Variants in ZNF500 observed in about 807,000 individuals in gnomAD.
The protein encoded by ZNF500 is zinc finger protein 500.
ZNF500 carries 31 observed loss-of-function variants against 30.1 expected under a neutral mutation model. That is an observed-to-expected ratio of 1.03 (90% CI 0.77 to 1.39). ZNF500 has a LOEUF of 1.39. Ranked by LOEUF, ZNF500 falls within the 40% of genes most tolerant of loss-of-function variation. The pLI is 0.00. For synonymous variants in ZNF500, 392 were observed against 282.0 expected, an observed-to-expected ratio of 1.39 and a Z score of -3.91; for missense variants, 817 against 657.8, an observed-to-expected ratio of 1.24 and a Z score of -2.65.
intron 2 of ZNF500, among the ~76,000 whole-genome samples, chr16:4,765,285 G>A (rs2082251583): frequency 6.6e-6 from 1 of 151,726 alleles, no homozygotes; most frequent in Non-Finnish European, 1.5e-5. Flanking sequence ...AACAGAGCGA[G>A]ACTATGTCTC....
chr16:4,747,121 T>A (rs1339322946), downstream of ZNF500: 6 of 1,292,790 alleles, frequency 4.6e-6, no homozygotes, highest in Admixed American at 2.9e-5. Flanking sequence ...TGTGGTGAGG[T>A]CTTGCTGCAC....
intron 5 of ZNF500, among the ~76,000 whole-genome samples, chr16:4,757,934 T>C (rs2082154243): frequency 7.6e-6 from 1 of 132,180 alleles, no homozygotes; most frequent in African/African-American, 2.9e-5. Flanking sequence ...AGAGTTTCGC[T>C]CTTGTTGCCC....
downstream of ZNF500, chr16:4,746,918 T>C: frequency 6.5e-7 from 1 of 1,541,924 alleles, no homozygotes; most frequent in Non-Finnish European, 8.7e-7. Flanking sequence ...CCCATTTCTC[T>C]CCCTGCAGCT....
rs2082069934 is a variant in ZNF500 at position 4,750,831 on chromosome 16, T to G, written c.*1545A>C. ...TTTTTTTTGGTAGGGAAGAGGTCTT[T>G]CTATATTGCCCAGGCTGCTCTTGAA... is the stretch of plus-strand genomic sequence containing the variant. On this transcript the variant is annotated 3_prime_UTR_variant, in exon 6 of 6. Coordinates refer to ENST00000219478, the MANE Select transcript of ZNF500 (RefSeq NM_021646.4). 6.8e-6 allele frequency: 1 copy of G among 147,294 alleles called. No homozygotes were observed. Among genetic ancestry groups the G allele is most frequent in the Non-Finnish European group, 1.5e-5 (1 of 66,876 alleles). 9.1% of individuals were successfully genotyped at this position (147,294 alleles called of 1,614,324 possible).
chr16:4,745,814 ATGTTGGTGC>A (rs2082007853), downstream of ZNF500, among the ~76,000 whole-genome samples: 1 of 152,018 alleles, frequency 6.6e-6, no homozygotes, highest in East Asian at 1.9e-4. Flanking sequence ...TTTTCCAGGC[ATGTTGGTGC>A]ATGCCTGTAA....
At chr16:4,746,765 C>G (rs2082022520), downstream of ZNF500, 1 of 766,978 alleles carries the variant, frequency 1.3e-6, no homozygotes, top group South Asian at 1.9e-5. Flanking sequence ...GGGCATCACC[C>G]ACACCTGTCC....
chr16:4,753,368 C>T (rs898809065), intron 5 of ZNF500, among the ~76,000 whole-genome samples: 30 of 152,084 alleles, frequency 2.0e-4, no homozygotes, highest in Admixed American at 4.6e-4. Flanking sequence ...AGGCTGAGGT[C>T]GGAGGATCAC....
intron 5 of ZNF500, among the ~76,000 whole-genome samples, chr16:4,756,881 C>CT: frequency 6.6e-6 from 1 of 151,974 alleles, no homozygotes. Flanking sequence ...ACTCGGGAGG[C>CT]TGAGGTGGTA....
Position 4,760,655 on chromosome 16 carries a change from G to A in ZNF500, c.664-67C>T. 2.8e-6 allele frequency: 4 copies of A among 1,436,646 alleles called. No individual in the cohort carries two copies. The South Asian group carries it at 3.6e-5, about 13-fold the overall frequency. 89.0% of individuals were successfully genotyped at this position (1,436,646 alleles called of 1,614,324 possible). ...TGCCTCCTCCCCAACTAAGGCCACT[G>A]GCCCAGGGAGCTGCACCGCCACTGC... is the stretch of plus-strand genomic sequence containing the variant. On this transcript the variant is annotated intron_variant, in intron 4 of 5. Transcript: ENST00000219478.
At chr16:4,747,181 G>A (rs1209005934), downstream of ZNF500, 18 of 1,201,598 alleles carry the variant, frequency 1.5e-5, no homozygotes, top group East Asian at 4.7e-5. Flanking sequence ...TCCTGCCCAC[G>A]TCCACTGGGT....
At position 4,752,944 on chromosome 16, in the gene ZNF500, C is replaced by T. The variant is rs759395843; in HGVS notation, c.875G>A (p.Gly292Asp). ...RCQGPGHPLP[G>D]QRPAPVRGLV... is the part of the protein sequence containing the mutation. ...GCCCCTGACTGGGGCTGGCCTCTGA[C>T]CTGGGAGCGGGTGGCCAGGCCCCTG... Residue 292 changes from glycine to aspartate, a missense_variant, in exon 6 of 6, where the codon GGT (glycine) becomes GAT (aspartate). By Grantham distance (94) the Gly-to-Asp change is moderately conservative. Transcript: ENST00000219478. The T allele has an allele frequency of 2.5e-6, 4 of 1,611,738 alleles. No individual in the cohort carries two copies. Among genetic ancestry groups the T allele is most frequent in the Non-Finnish European group, 3.4e-6 (4 of 1,178,946 alleles).
chr16:4,753,215 C>CT, intron 5 of ZNF500, 157 bp from the exon 6 acceptor site: 2 of 1,356,346 alleles, frequency 1.5e-6, no homozygotes, highest in Non-Finnish European at 1.9e-6. Flanking sequence ...AATCCCAGCA[C>CT]TTTGGAAGGC....
At position 4,765,552 on chromosome 16, in the gene ZNF500, T is replaced by TGCCCCCACTCACCC. The variant is rs1567541429; in HGVS notation, c.413_414+12dup. 1 of 1,568,730 alleles carries TGCCCCCACTCACCC rather than the reference T, an allele frequency of 6.4e-7. No individual in the cohort carries two copies. The highest frequency in any genetic ancestry group is 1.4e-5 in the African/African-American group (1 of 73,924). ...CCATTTCCTCACCTGAGGGTCAAAATGCCCCCACTCACCCGCTGCCTGTGT... is the reference window on the plus strand; with the variant it reads ...CCATTTCCTCACCTGAGGGTCAAAATGCCCCCACTCACCCGCCCCCACTCACCCGCTGCCTGTGT... On this transcript the variant is annotated intron_variant, in intron 2 of 5. Transcript: ENST00000219478.
intron 5 of ZNF500, among the ~76,000 whole-genome samples, chr16:4,757,000 G>A (rs1443704520): frequency 6.6e-6 from 1 of 151,802 alleles, no homozygotes; most frequent in Non-Finnish European, 1.5e-5. Context: ...GAAAAAAAAA[G>A]TTTTGGAACT....
chr16:4,759,010 G>C (rs2082168782), intron 5 of ZNF500, among the ~76,000 whole-genome samples: 1 of 152,202 alleles, frequency 6.6e-6, no homozygotes. Context: ...AGGAATTCGA[G>C]ACCAGCTTGG....
intron 5 of ZNF500, among the ~76,000 whole-genome samples, chr16:4,758,843 G>A (rs1173620500): frequency 1.3e-5 from 2 of 152,122 alleles, no homozygotes; most frequent in African/African-American, 4.8e-5. Flanking sequence ...CTGGACACTA[G>A]AACCAAAAAC....
At chr16:4,746,471 C>A, downstream of ZNF500, 1 of 1,613,776 alleles carries the variant, frequency 6.2e-7, no homozygotes, top group Non-Finnish European at 8.5e-7. Context: ...TCTTTATTGA[C>A]CTGCGGCAGA....
intron 5 of ZNF500, among the ~76,000 whole-genome samples, chr16:4,757,293 A>G (rs2082145327): frequency 6.6e-6 from 1 of 152,278 alleles, no homozygotes; most frequent in African/African-American, 2.4e-5. Context: ...AAAAATGTAA[A>G]AACTTTGAGG....
downstream of ZNF500, chr16:4,746,442 A>G (rs150812571): frequency 2.6e-5 from 42 of 1,613,724 alleles, no homozygotes; most frequent in African/African-American, 5.2e-4. Context: ...CATGAGGCTT[A>G]ACGCAGAGTC....
Sources: gnomAD v4.1 joint callset for allele counts (sites outside exome capture counted in the v4.1 genomes callset) on GRCh38, gnomAD v4.1.1 for gene constraint, MANE v1.5 for transcripts, NCBI Gene and HGNC (gene_info 2026-07-23, HGNC 2026-07-21) for gene names.